The following CENPM variants were observed in gnomAD, a reference collection of about 807,000 sequenced individuals.
CENPM encodes interphase centromere complex protein 39.
In CENPM, 14 loss-of-function variants were observed where a neutral mutation model predicts 19.6. The ratio of observed to expected loss-of-function variants is 0.71; its 90% confidence interval spans 0.47 to 1.11. The LOEUF is 1.11. CENPM is among the 50% of genes most tolerant of loss of function. The pLI is 0.00. For missense variants in CENPM, 239 were observed against 228.4 expected (o/e 1.05, Z -0.30); for synonymous variants, 114 against 101.5 (o/e 1.12, Z -0.74).
the CENPM span, among the ~76,000 whole-genome samples, chr22:41,933,170 G>A: frequency 6.6e-6 from 1 of 152,182 alleles, no homozygotes; most frequent in East Asian, 1.9e-4. Context: ...GAAAAGGGCT[G>A]TGCGCAAAGC....
downstream of CENPM, among the ~76,000 whole-genome samples, chr22:41,937,166 G>A (rs2077687435): frequency 6.6e-6 from 1 of 152,198 alleles, no homozygotes; most frequent in Non-Finnish European, 1.5e-5. Context: ...CAAGGGAGAA[G>A]GAAAGCAACT....
intron 5 of CENPM, chr22:41,940,337 CAGCACGT>C: frequency 1.7e-6 from 1 of 582,896 alleles, no homozygotes; most frequent in South Asian, 2.1e-5. Flanking sequence ...CTCCACTTTC[CAGCACGT>C]CATTTACCCC....
chr22:41,945,856 GCA>G (rs2077794195), intron 3 of CENPM, 55 bp downstream of exon 3: 3 of 1,405,054 alleles, frequency 2.1e-6, no homozygotes, highest in Non-Finnish European at 3.0e-6. Flanking sequence ...CACCGTCTCA[GCA>G]CAGTCCTGAG....
the CENPM span, among the ~76,000 whole-genome samples, chr22:41,933,174 G>T: frequency 6.6e-6 from 1 of 152,166 alleles, no homozygotes; most frequent in Non-Finnish European, 1.5e-5. Flanking sequence ...AGGGCTGTGC[G>T]CAAAGCATCT....
At chr22:41,928,177 G>A in the CENPM span, 1 of 430,860 alleles carries the variant, frequency 2.3e-6, no homozygotes, top group Admixed American at 2.5e-5. The surrounding 1 kb of genome is among the most constrained non-coding windows in gnomAD (Gnocchi z 4.0). Context: ...ATCTGCCTAT[G>A]AGTGAGGGAA....
intron 1 of CENPM, chr22:41,946,756 G>A: frequency 1.7e-6 from 1 of 599,962 alleles, no homozygotes; most frequent in Non-Finnish European, 3.0e-6. Context: ...CAGACCCCCA[G>A]ACGCGGGAAA....
chr22:41,932,101 C>T, the CENPM span, among the ~76,000 whole-genome samples: 1 of 151,984 alleles, frequency 6.6e-6, no homozygotes, highest in Admixed American at 6.5e-5. This position sits in a 1 kb window ranked among gnomAD's most constrained non-coding sequence, Gnocchi z 4.3. Context: ...TCCCGTGTTC[C>T]AGGAATGGGG....
intron 5 of CENPM, chr22:41,940,184 G>C (rs1336848385): frequency 1.3e-6 from 1 of 766,460 alleles, no homozygotes; most frequent in South Asian, 1.4e-5. Flanking sequence ...TGCACTTGCT[G>C]TTCCTCCTTC....
chr22:41,939,818 A>AAAAG (rs2077712811), intron 5 of CENPM, among the ~76,000 whole-genome samples: 1 of 42,704 alleles, frequency 2.3e-5, no homozygotes. Context: ...AAAAGAAAGA[A>AAAAG]AAAGAAAGAA....
chr22:41,942,055 AG>A (rs1569426828), intron 5 of CENPM, among the ~76,000 whole-genome samples: 1 of 152,256 alleles, frequency 6.6e-6, no homozygotes, highest in Non-Finnish European at 1.5e-5. Context: ...TGGTGGTCAC[AG>A]ATCATGTGCT....
downstream of CENPM, among the ~76,000 whole-genome samples, chr22:41,936,032 G>A (rs574046146): frequency 6.6e-6 from 1 of 152,108 alleles, no homozygotes; most frequent in Non-Finnish European, 1.5e-5. Context: ...CACCATGCTC[G>A]GCTAATTTTG....
At chr22:41,946,993 G>A (rs771408048) in intron 1 of CENPM, 27 bp downstream of exon 1, 2 of 1,611,320 alleles carry the variant, frequency 1.2e-6, no homozygotes, top group Non-Finnish European at 1.7e-6. Flanking sequence ...AAAAACCGGC[G>A]GGGGAAGCAG....
At chr22:41,931,206 T>C in the CENPM span, among the ~76,000 whole-genome samples, 6 of 148,058 alleles carry the variant, frequency 4.1e-5, no homozygotes, top group Admixed American at 2.0e-4. Context: ...TGGTGGCTCA[T>C]GCCTGTAATC....
chr22:41,932,160 G>C, the CENPM span, among the ~76,000 whole-genome samples: 7 of 152,230 alleles, frequency 4.6e-5, no homozygotes, highest in Non-Finnish European at 1.5e-5. This position sits in a 1 kb window ranked among gnomAD's most constrained non-coding sequence, Gnocchi z 4.3. Flanking sequence ...GCAGGGCTTC[G>C]AGTCAGCTCT....
chr22:41,945,208 G>C lies in CENPM; in HGVS notation c.310+17C>G. On this transcript the variant is annotated intron_variant, in intron 4 of 5. Transcript: ENST00000215980. ...CTTGGCTGGGGGTGGGCAGTAACAGGCGAGGAACGTACTTACCACCTGTGG... is the reference window on the plus strand; with the variant it reads ...CTTGGCTGGGGGTGGGCAGTAACAGCCGAGGAACGTACTTACCACCTGTGG... The C allele has an allele frequency of 1.2e-6, 2 of 1,613,940 alleles. No individual in the cohort carries two copies. The highest frequency in any genetic ancestry group is 2.2e-5 in the South Asian group (2 of 91,062).
intron 5 of CENPM, among the ~76,000 whole-genome samples, chr22:41,939,725 T>A (rs1400344226): frequency 7.7e-6 from 1 of 130,086 alleles, no homozygotes; most frequent in Non-Finnish European, 1.6e-5. Context: ...CGGGCACAGA[T>A]GTTCTAGACA....
downstream of CENPM, among the ~76,000 whole-genome samples, chr22:41,937,866 CAG>C (rs2077690572): frequency 6.6e-6 from 1 of 151,970 alleles, no homozygotes; most frequent in African/African-American, 2.4e-5. Flanking sequence ...TTCTTTGAGA[CAG>C]AGTCTCGCTC....
At chr22:41,946,888 C>A in intron 1 of CENPM, 132 bp downstream of exon 1, 1 of 880,982 alleles carries the variant, frequency 1.1e-6, no homozygotes, top group Non-Finnish European at 1.8e-6. Flanking sequence ...GAGCATGGCT[C>A]TCCGCCTATT....
chr22:41,938,975 C>G lies in CENPM; in HGVS notation c.*81G>C. Reference sequence around the variant, plus strand: ...GGGCTGAGCCTGGGCCTGTCAAGCCCTGACTGGACATCCTCAACAGAGAAT... The same window carrying G: ...GGGCTGAGCCTGGGCCTGTCAAGCCGTGACTGGACATCCTCAACAGAGAAT... On this transcript the variant is annotated 3_prime_UTR_variant, in exon 6 of 6. Coordinates refer to ENST00000215980, the MANE Select transcript of CENPM (RefSeq NM_024053.5). The G allele has an allele frequency of 7.1e-6, 11 of 1,547,282 alleles. No individual in the cohort carries two copies. The highest frequency in any genetic ancestry group is 8.8e-6 in the Non-Finnish European group (10 of 1,137,790).
Sources: gnomAD v4.1 joint callset for allele counts (sites outside exome capture counted in the v4.1 genomes callset) on GRCh38, gnomAD v4.1.1 for gene constraint, Gnocchi (gnomAD v3.1) non-coding constraint, MANE v1.5 for transcripts, NCBI Gene and HGNC (gene_info 2026-07-23, HGNC 2026-07-21) for gene names.